INCENP: variants seen among roughly 807,000 people sequenced by gnomAD.
INCENP encodes inner centromere protein.
In INCENP, 43 loss-of-function variants were observed where a neutral mutation model predicts 107.3. That is an observed-to-expected ratio of 0.40 (90% CI 0.31 to 0.52). INCENP has a LOEUF of 0.52. INCENP is among the 20% of genes least tolerant of loss of function. The pLI is 0.53. For synonymous variants in INCENP, 488 were observed against 494.4 expected, an observed-to-expected ratio of 0.99 and a Z score of 0.17; for missense variants, 1,089 against 1,250.9, an observed-to-expected ratio of 0.87 and a Z score of 1.95.
chr11:62,134,478 G>A (rs116183742), intron 4 of INCENP, among the ~76,000 whole-genome samples: 1,647 of 151,140 alleles, frequency 0.011, 32 homozygotes, highest in African/African-American at 0.035. Flanking sequence ...TAAAACTGAG[G>A]AGTTTAAAAG....
chr11:62,140,595 C>T, intron 8 of INCENP, 109 bp from the exon 9 acceptor site: 1 of 927,024 alleles, frequency 1.1e-6, no homozygotes, highest in Non-Finnish European at 1.7e-6. Context: ...CTCTTTCAGT[C>T]TAGAGGCCTG....
chr11:62,127,729 C>G (rs764039651), intron 1 of INCENP, among the ~76,000 whole-genome samples: 1 of 152,188 alleles, frequency 6.6e-6, no homozygotes, highest in African/African-American at 2.4e-5. Flanking sequence ...TGAGGGCCTA[C>G]TGGAGAGCGA....
In INCENP at chr11:62,130,416, C is replaced by A. The variant is rs768284528; in HGVS notation, c.889C>A (p.Arg297Ser). The change falls in exon 4 of 19, where the codon CGC (arginine) becomes AGC (serine). Residue 297 changes from arginine (R) to serine (S), a missense_variant. Arg to Ser is a moderately radical substitution (Grantham distance 110). Transcript: ENST00000394818. ...TAACTTCTCCACGCCCACGGGCTCT[C>A]GCACGGACTCTCAATCGGTGCGGCA... Reference protein sequence around the residue: ...PDNFSTPTGSRTDSQSVRHSP... With the variant: ...PDNFSTPTGSSTDSQSVRHSP... The A allele has an allele frequency of 2.5e-6, 4 of 1,613,718 alleles. No individual in the cohort carries two copies. The highest frequency in any genetic ancestry group is 3.4e-6 in the Non-Finnish European group (4 of 1,180,032).
At chr11:62,125,529 T>C (rs1328734029) in intron 1 of INCENP, among the ~76,000 whole-genome samples, 2 of 152,244 alleles carry the variant, frequency 1.3e-5, no homozygotes, top group Non-Finnish European at 2.9e-5. Context: ...ATTGGCTGGC[T>C]GCAGAGCCGA....
At position 62,140,764 on chromosome 11, in the gene INCENP, T is replaced by C; in HGVS notation, c.1404T>C (p.Asp468=). Residue 468 remains aspartate, a synonymous_variant, in exon 9 of 19, where the codon GAT becomes GAC. Transcript: ENST00000394818. ...TGGACGAGGAGCAGCACCTGGAGGA[T>C]GAGGAGCTGCAGCCCCCCAGGAGCA... ...SELDEEQHLE[D]EELQPPRSKT... 6.2e-7 allele frequency: 1 copy of C among 1,609,968 alleles called. No homozygotes were observed.
intron 4 of INCENP, among the ~76,000 whole-genome samples, chr11:62,135,916 TCTC>T (rs1204050590): frequency 3.3e-5 from 5 of 152,030 alleles, no homozygotes; most frequent in African/African-American, 9.7e-5. Flanking sequence ...TTCACGCCAT[TCTC>T]CTGCCTCAGC....
At chr11:62,124,670 G>A (rs1943711990) in intron 1 of INCENP, among the ~76,000 whole-genome samples, 1 of 152,204 alleles carries the variant, frequency 6.6e-6, no homozygotes, top group Non-Finnish European at 1.5e-5. Context: ...TGCTCGCGGG[G>A]TTGCCCAGAG....
chr11:62,145,829 C>T (rs1225320394), intron 14 of INCENP, 78 bp downstream of exon 14: 3 of 1,463,310 alleles, frequency 2.1e-6, no homozygotes, highest in East Asian at 2.5e-5. Flanking sequence ...CTACTGGGTG[C>T]ACCCCACCTT....
chr11:62,137,946 G>A, intron 5 of INCENP, 63 bp downstream of exon 5: 1 of 1,430,536 alleles, frequency 7.0e-7, no homozygotes, highest in Non-Finnish European at 9.9e-7. Context: ...GCCAAGGTGA[G>A]CACCAGGGCT....
At chr11:62,137,585 G>A (rs1944018818) in intron 4 of INCENP, among the ~76,000 whole-genome samples, 2 of 152,230 alleles carry the variant, frequency 1.3e-5, no homozygotes, top group South Asian at 2.1e-4. Context: ...CAGTGAAGGT[G>A]CCCAGCCGTG....
intron 1 of INCENP, among the ~76,000 whole-genome samples, chr11:62,125,366 T>C (rs928376134): frequency 6.6e-6 from 1 of 152,264 alleles, no homozygotes; most frequent in African/African-American, 2.4e-5. Flanking sequence ...TTTTAAAAAG[T>C]TAGCCAGTTG....
At chr11:62,148,076 C>T (rs1944292357) in intron 15 of INCENP, among the ~76,000 whole-genome samples, 1 of 152,142 alleles carries the variant, frequency 6.6e-6, no homozygotes, top group Admixed American at 6.5e-5. Context: ...AGAACTCATC[C>T]ACAGCCTCTT....
chr11:62,140,034 T>C (rs1590618754), intron 7 of INCENP, among the ~76,000 whole-genome samples, 200 bp from the exon 8 acceptor site: 1 of 152,162 alleles, frequency 6.6e-6, no homozygotes, highest in East Asian at 1.9e-4. Flanking sequence ...CACCTTGGCC[T>C]CCCAAAGTGC....
Position 62,152,023 on chromosome 11 carries a change from A to C in INCENP, c.*47A>C. On this transcript the variant is annotated 3_prime_UTR_variant, in exon 19 of 19. Coordinates refer to ENST00000394818, the MANE Select transcript of INCENP (RefSeq NM_001040694.2). Reference sequence around the variant, plus strand: ...GCAGCCTCGCCTCCTGTCCATGTCTATCTGTCTGTCTGTCGGTCTCTGTCT... The same window carrying C: ...GCAGCCTCGCCTCCTGTCCATGTCTCTCTGTCTGTCTGTCGGTCTCTGTCT... 7.0e-7 allele frequency: 1 copy of C among 1,423,722 alleles called. No homozygotes were observed. Among genetic ancestry groups the C allele is most frequent in the South Asian group, 1.2e-5 (1 of 85,506 alleles). The allele number at this position is 1,423,722 out of a possible 1,614,324, so 88.2% of individuals were successfully genotyped here.
chr11:62,141,833 C>T (rs1400227542), intron 11 of INCENP: 12 of 493,132 alleles, frequency 2.4e-5, no homozygotes, highest in Non-Finnish European at 4.4e-5. Flanking sequence ...CAGGCCCCGT[C>T]AGGGTCTGTG....
At chr11:62,135,281 T>A (rs1565094508) in intron 4 of INCENP, among the ~76,000 whole-genome samples, 1 of 152,136 alleles carries the variant, frequency 6.6e-6, no homozygotes. Context: ...TTTTGTTTTG[T>A]TTTTGAGATG....
chr11:62,128,650 G>A (rs1943810645), intron 2 of INCENP, 120 bp from the exon 3 acceptor site: 1 of 745,666 alleles, frequency 1.3e-6, no homozygotes, highest in Admixed American at 2.0e-5. Flanking sequence ...AGCTCACTTG[G>A]TGCTGGACAC....
chr11:62,129,587 A>G (rs1565090588), intron 3 of INCENP, among the ~76,000 whole-genome samples, 195 bp from the exon 4 acceptor site: 1 of 152,174 alleles, frequency 6.6e-6, no homozygotes, highest in African/African-American at 2.4e-5. Flanking sequence ...CCCAATTTAC[A>G]GTTAGGAAGA....
rs748727257 is a variant in INCENP at position 62,146,833 on chromosome 11, G to A, written c.2135G>A (p.Arg712Gln). 72 of 1,547,976 alleles carry A rather than the reference G, an allele frequency of 4.7e-5. No individual in the cohort carries two copies. The highest frequency in any genetic ancestry group is 9.5e-5 in the South Asian group (8 of 84,620). ...GAGCAGGAGCGGCGGGAGCAGGAGC[G>A]GCGCGAGCAGGAGCGACAGCTGGCA... ...RREQERREQE[R>Q]REQERQLAEQ... Residue 712 changes from arginine (R) to glutamine (Q), a missense_variant, in exon 15 of 19, where the codon CGG becomes CAG. Physicochemically the swap from Arg to Gln is conservative, Grantham distance 43. Transcript: ENST00000394818.
Sources: allele counts gnomAD v4.1 joint callset (sites outside exome capture counted in the v4.1 genomes callset), GRCh38; gene constraint gnomAD v4.1.1; transcripts MANE v1.5; gene names NCBI Gene and HGNC (gene_info 2026-07-23, HGNC 2026-07-21).